TCF12: variants seen among roughly 807,000 people sequenced by gnomAD.
TCF12 encodes the protein transcription factor 12, also known as DNA-binding protein HTF4.
In TCF12, 45 loss-of-function variants were observed where a neutral mutation model predicts 86.0. That is an observed-to-expected ratio of 0.52 (90% CI 0.41 to 0.67). The LOEUF (loss-of-function observed/expected upper bound fraction) is 0.67. Ranked by LOEUF, TCF12 falls within the 30% of genes least tolerant of loss-of-function variation. The pLI is 0.00. For missense variants in TCF12, 881 were observed against 859.9 expected, an observed-to-expected ratio of 1.02 and a Z score of -0.31; for synonymous variants, 330 against 299.6, an observed-to-expected ratio of 1.10 and a Z score of -1.05.
chr15:57,186,394 G>A (rs1206586064), intron 6 of TCF12, among the ~76,000 whole-genome samples: 2 of 152,080 alleles, frequency 1.3e-5, no homozygotes, highest in African/African-American at 2.4e-5. Flanking sequence ...AGCTACTTAG[G>A]AGGCTGAGGC....
chr15:57,181,498 C>T (rs2056348403), intron 6 of TCF12, among the ~76,000 whole-genome samples: 1 of 152,018 alleles, frequency 6.6e-6, no homozygotes, highest in Admixed American at 6.6e-5. Context: ...CTTCTGCCTC[C>T]CTACAAAATC....
intron 5 of TCF12, among the ~76,000 whole-genome samples, chr15:57,095,205 C>T (rs2049242827): frequency 6.6e-6 from 1 of 152,112 alleles, no homozygotes; most frequent in Non-Finnish European, 1.5e-5. Context: ...AATATTAAAA[C>T]TGTATGAAAA....
chr15:56,970,931 A>G (rs753575997), intron 3 of TCF12, among the ~76,000 whole-genome samples: 3 of 151,794 alleles, frequency 2.0e-5, no homozygotes, highest in East Asian at 1.9e-4. Context: ...GTCCACGCCT[A>G]TTGTCCCAGC....
chr15:57,101,132 T>C (rs983558254), intron 5 of TCF12, among the ~76,000 whole-genome samples: 1 of 152,108 alleles, frequency 6.6e-6, no homozygotes, highest in Non-Finnish European at 1.5e-5. Flanking sequence ...GACTTCCAGT[T>C]TGGTATTTGT....
At chr15:57,076,293 TTAAA>T (rs1192570289) in intron 4 of TCF12, among the ~76,000 whole-genome samples, 2 of 152,168 alleles carry the variant, frequency 1.3e-5, no homozygotes, top group African/African-American at 4.8e-5. Context: ...TTAGTTAAAA[TTAAA>T]TAGACTTTTT....
intron 3 of TCF12, among the ~76,000 whole-genome samples, chr15:56,955,810 A>T (rs887550082): frequency 5.3e-5 from 8 of 152,162 alleles, no homozygotes; most frequent in African/African-American, 1.7e-4. Flanking sequence ...TTGGAGATCT[A>T]TCAATTATTG....
At chr15:57,245,068 T>C (rs752686551) in intron 13 of TCF12, among the ~76,000 whole-genome samples, 14 of 152,182 alleles carry the variant, frequency 9.2e-5, no homozygotes, top group Non-Finnish European at 1.9e-4. Context: ...CCAACAACAG[T>C]TGGGGAAATA....
chr15:57,082,714 T>A (rs2048389769), intron 4 of TCF12, among the ~76,000 whole-genome samples: 1 of 152,196 alleles, frequency 6.6e-6, no homozygotes, highest in Admixed American at 6.5e-5. Flanking sequence ...ACTTTCCCCC[T>A]AAATGATAAC....
chr15:57,046,975 G>A (rs1196896570), intron 3 of TCF12, among the ~76,000 whole-genome samples: 1 of 152,168 alleles, frequency 6.6e-6, no homozygotes, highest in Non-Finnish European at 1.5e-5. Context: ...AAATTAAGAA[G>A]CCCTGTCTGG....
At chr15:56,936,962 G>C (rs1174368576) in intron 3 of TCF12, among the ~76,000 whole-genome samples, 1 of 152,042 alleles carries the variant, frequency 6.6e-6, no homozygotes, top group African/African-American at 2.4e-5. Flanking sequence ...TGGCTCTTCT[G>C]GTTCCATATG....
chr15:56,942,143 C>T (rs184244405), intron 3 of TCF12, among the ~76,000 whole-genome samples: 175 of 152,226 alleles, frequency 1.1e-3, no homozygotes, highest in Admixed American at 2.0e-3. Flanking sequence ...TGAAAGTGCC[C>T]ATTTGCTCTG....
chr15:56,987,588 T>A (rs2063257938), intron 3 of TCF12, among the ~76,000 whole-genome samples: 1 of 152,208 alleles, frequency 6.6e-6, no homozygotes, highest in African/African-American at 2.4e-5. Flanking sequence ...GTTAGGTAAC[T>A]ATGGAATCTT....
chr15:57,089,209 A>G (rs993007243), intron 4 of TCF12, among the ~76,000 whole-genome samples: 1 of 152,220 alleles, frequency 6.6e-6, no homozygotes, highest in Admixed American at 6.5e-5. Context: ...ACAAAGTTCC[A>G]TTTGCTAAAT....
intron 13 of TCF12, chr15:57,247,258 TC>T: frequency 1.5e-6 from 1 of 646,932 alleles, no homozygotes; most frequent in Non-Finnish European, 2.8e-6. Context: ...AACCATTATA[TC>T]CGCCATCACC....
At chr15:57,148,506 C>T (rs1025663260) in intron 5 of TCF12, among the ~76,000 whole-genome samples, 5 of 151,818 alleles carry the variant, frequency 3.3e-5, no homozygotes, top group Admixed American at 3.3e-4. Context: ...AAACCAGCAG[C>T]CTTCAGTGGG....
chr15:57,069,693 G>A (rs1222714906), intron 4 of TCF12, among the ~76,000 whole-genome samples: 3 of 152,180 alleles, frequency 2.0e-5, no homozygotes, highest in Non-Finnish European at 2.9e-5. Flanking sequence ...ACAGAACTCA[G>A]ATATTCTGAA....
At chr15:57,142,342 GAAATAT>G (rs1308852422) in intron 5 of TCF12, among the ~76,000 whole-genome samples, 1 of 23,258 alleles carries the variant, frequency 4.3e-5, no homozygotes, top group Non-Finnish European at 1.2e-4. Flanking sequence ...GATACAGAAA[GAAATAT>G]AAATATAACT....
At chr15:57,178,663 A>C (rs1370306141) in intron 6 of TCF12, among the ~76,000 whole-genome samples, 2 of 152,234 alleles carry the variant, frequency 1.3e-5, no homozygotes, top group Non-Finnish European at 2.9e-5. Flanking sequence ...TACTGGTAAC[A>C]CATAGGAGAA....
At chr15:57,143,157 C>CCT (rs1333126473) in intron 5 of TCF12, among the ~76,000 whole-genome samples, 6 of 136,650 alleles carry the variant, frequency 4.4e-5, no homozygotes, top group African/African-American at 1.5e-4. Context: ...GTGCCCCCCC[C>CCT]CACCAAAAAA....
Sources: allele counts gnomAD v4.1 joint callset (sites outside exome capture counted in the v4.1 genomes callset), GRCh38; gene constraint gnomAD v4.1.1; transcripts MANE v1.5; gene names NCBI Gene and HGNC (gene_info 2026-07-23, HGNC 2026-07-21).